YIPF1: variants seen among roughly 807,000 people sequenced by gnomAD.
The protein encoded by YIPF1 is Yip1 domain family member 1, also known as protein YIPF1.
A neutral mutation model predicts 37.0 loss-of-function variants in YIPF1; 22 were observed. The ratio of observed to expected loss-of-function variants is 0.59; its 90% confidence interval spans 0.42 to 0.85. The LOEUF (loss-of-function observed/expected upper bound fraction) is 0.85. Among genes scored for constraint, YIPF1 ranks in the 40% least tolerant of loss-of-function variants. The pLI, the probability that YIPF1 is intolerant of heterozygous loss-of-function variation, is 0.00. For missense variants in YIPF1, 355 were observed against 373.1 expected, an observed-to-expected ratio of 0.95 and a Z score of 0.40; for synonymous variants, 128 against 131.9, an observed-to-expected ratio of 0.97 and a Z score of 0.21.
rs1426974785 is a variant in YIPF1 at position 53,871,473 on chromosome 1, C to T, written c.380G>A (p.Cys127Tyr). 5.0e-6 allele frequency: 8 copies of T among 1,613,866 alleles called. No homozygotes were observed. The South Asian group carries it at 6.6e-5, about 13-fold the overall frequency. The change falls in exon 7 of 11, where the codon TGT (cysteine) becomes TAT (tyrosine). Residue 127 changes from cysteine (C) to tyrosine (Y), a missense_variant. Transcript: ENST00000072644. The part of the protein sequence containing the change: ...NPDLYGPFWI[C>Y]ATLVFAIAIS... Reference sequence around the variant, plus strand: ...TGCTATGGCAAAGACCAACGTGGCACATATCCAAAAGGGGCCTGCAAAGGA... The same window carrying T: ...TGCTATGGCAAAGACCAACGTGGCATATATCCAAAAGGGGCCTGCAAAGGA...
intron 3 of YIPF1, chr1:53,886,763 T>C (rs1650664522): frequency 6.6e-6 from 1 of 151,966 alleles, no homozygotes; most frequent in South Asian, 2.1e-4. Flanking sequence ...ACAGGGGCTT[T>C]TGCGAGGGCC....
At chr1:53,876,056 A>G (rs1650326883) in intron 6 of YIPF1, among the ~76,000 whole-genome samples, 1 of 152,236 alleles carries the variant, frequency 6.6e-6, no homozygotes, top group Non-Finnish European at 1.5e-5. Flanking sequence ...TGTTGAATGA[A>G]TTGAATGAAT....
intron 7 of YIPF1, among the ~76,000 whole-genome samples, chr1:53,867,414 C>T (rs1375848582): frequency 3.4e-5 from 5 of 148,330 alleles, no homozygotes; most frequent in African/African-American, 1.3e-4. Context: ...GCTCTGTCGC[C>T]CAGGCTGGAG....
chr1:53,855,766 A>G (rs945251910), intron 10 of YIPF1, among the ~76,000 whole-genome samples: 1 of 152,212 alleles, frequency 6.6e-6, no homozygotes, highest in Admixed American at 6.5e-5. Context: ...TATTGGCACA[A>G]TGATGAAACT....
intron 6 of YIPF1, among the ~76,000 whole-genome samples, chr1:53,876,196 C>G (rs1569638039): frequency 1.3e-5 from 2 of 152,072 alleles, no homozygotes; most frequent in East Asian, 3.9e-4. Context: ...AATTTTTTCC[C>G]CAGAGTTGCT....
chr1:53,872,684 C>T (rs908663310), intron 6 of YIPF1, among the ~76,000 whole-genome samples: 7 of 152,112 alleles, frequency 4.6e-5, no homozygotes, highest in East Asian at 1.9e-4. Flanking sequence ...CACAAAATTA[C>T]GAACATTACT....
In YIPF1 at chr1:53,883,259, T is replaced by C. The variant is rs554518940; in HGVS notation, c.49A>G (p.Thr17Ala). 5.2e-5 allele frequency: 82 copies of C among 1,571,054 alleles called. No homozygotes were observed. The South Asian group carries it at 8.8e-4, about 17-fold the overall frequency. The change falls in exon 4 of 11, where the codon ACT becomes GCT. Residue 17 changes from threonine to alanine, a missense_variant. Coordinates refer to ENST00000072644, the MANE Select transcript of YIPF1 (RefSeq NM_018982.5). ...GCATCTGGGTTTGCTGTCAGAGAAG[T>C]GGCTGCATTGCCAAATTCTGAAATC... is the stretch of plus-strand genomic sequence containing the variant. ...LQFEEFGNAA[T>A]SLTANPDATT... is the part of the protein sequence containing the mutation.
chr1:53,853,845 G>A (rs184101203), intron 10 of YIPF1, among the ~76,000 whole-genome samples: 1 of 152,312 alleles, frequency 6.6e-6, no homozygotes, highest in African/African-American at 2.4e-5. Flanking sequence ...GGCCCACAGA[G>A]CAAGCACTCA....
chr1:53,878,323 T>G lies in YIPF1; in HGVS notation c.356A>C (p.Asp119Ala). The change falls in exon 6 of 11, where the codon GAT (aspartate) becomes GCT (alanine). Residue 119 changes from aspartate to alanine, a missense_variant. Coordinates refer to ENST00000072644, the MANE Select transcript of YIPF1 (RefSeq NM_018982.5). ...FVRLYIRSNP[D>A]LYGPFWICAT... The stretch of plus-strand genomic sequence containing the variant: ...ATCAGTACTAAACATACCATAGAGA[T>G]CTGGATTGCTGCGGATATATAACCT... 1 of 1,613,918 alleles carries G rather than the reference T, an allele frequency of 6.2e-7. No homozygotes were observed. Among genetic ancestry groups the G allele is most frequent in the Non-Finnish European group, 8.5e-7 (1 of 1,179,914 alleles).
intron 4 of YIPF1, among the ~76,000 whole-genome samples, chr1:53,882,083 C>T (rs191793749): frequency 2.6e-3 from 400 of 152,286 alleles, no homozygotes; most frequent in Non-Finnish European, 4.6e-3. Context: ...AGTTGGAAGC[C>T]ATTATCCTTA....
chr1:53,875,045 A>G (rs1650299441), intron 6 of YIPF1, among the ~76,000 whole-genome samples: 1 of 152,212 alleles, frequency 6.6e-6, no homozygotes, highest in Non-Finnish European at 1.5e-5. Context: ...GAATTCCTCT[A>G]AAATTATCTA....
chr1:53,860,951 C>T (rs1448781970), intron 9 of YIPF1, among the ~76,000 whole-genome samples: 2 of 152,196 alleles, frequency 1.3e-5, no homozygotes, highest in African/African-American at 4.8e-5. Flanking sequence ...GAATCTGTTA[C>T]TACATCAAGG....
chr1:53,878,609 C>A (rs2272928), intron 5 of YIPF1, 33 bp downstream of exon 5: 941,117 of 1,589,130 alleles, frequency 0.59, 283,054 homozygotes, highest in East Asian at 0.88. Context: ...TCTCCTTTAC[C>A]CGTAAAAGGA....
chr1:53,865,212 C>T (rs1649985010), intron 9 of YIPF1, among the ~76,000 whole-genome samples: 1 of 152,050 alleles, frequency 6.6e-6, no homozygotes, highest in African/African-American at 2.4e-5. Flanking sequence ...TTAAATAAAA[C>T]TTTAAATTTC....
intron 6 of YIPF1, 57 bp downstream of exon 6, chr1:53,878,258 C>A: frequency 6.4e-7 from 1 of 1,571,934 alleles, no homozygotes; most frequent in South Asian, 1.1e-5. Flanking sequence ...TCCAGGCAAC[C>A]CTCACACTCA....
At chr1:53,874,706 G>A (rs1349983997) in intron 6 of YIPF1, among the ~76,000 whole-genome samples, 1 of 152,184 alleles carries the variant, frequency 6.6e-6, no homozygotes. Context: ...CTCAGGGGTT[G>A]CAGTGAGCCG....
chr1:53,866,052 G>C, intron 9 of YIPF1, 148 bp downstream of exon 9: 2 of 964,776 alleles, frequency 2.1e-6, no homozygotes, highest in East Asian at 3.0e-5. Flanking sequence ...CGCCCACTTG[G>C]GCCTCCCAAA....
intron 6 of YIPF1, 131 bp from the exon 7 acceptor site, chr1:53,871,619 C>T: frequency 1.3e-6 from 1 of 742,800 alleles, no homozygotes. Context: ...GGGATCAACA[C>T]TTGCTGAAGG....
chr1:53,873,170 C>T (rs946498300), intron 6 of YIPF1, among the ~76,000 whole-genome samples: 11 of 152,172 alleles, frequency 7.2e-5, no homozygotes, highest in African/African-American at 2.7e-4. Context: ...AACAGAGACA[C>T]AGTCACTGCC....
Sources: gnomAD v4.1 joint callset for allele counts (sites outside exome capture counted in the v4.1 genomes callset) on GRCh38, gnomAD v4.1.1 for gene constraint, MANE v1.5 for transcripts, NCBI Gene and HGNC (gene_info 2026-07-23, HGNC 2026-07-21) for gene names.